Variants in TRIP10 observed in about 807,000 individuals in gnomAD.
TRIP10 encodes cdc42-interacting protein 4.
TRIP10 carries 54 observed loss-of-function variants against 80.9 expected under a neutral mutation model. That is an observed-to-expected ratio of 0.67 (90% CI 0.54 to 0.84). The LOEUF is 0.84. Among genes scored for constraint, TRIP10 ranks in the 40% least tolerant of loss-of-function variants. TRIP10 has a pLI of 0.00. For missense variants in TRIP10, 773 were observed against 815.3 expected, an observed-to-expected ratio of 0.95 and a Z score of 0.63; for synonymous variants, 321 against 307.2, an observed-to-expected ratio of 1.04 and a Z score of -0.47.
intron 14 of TRIP10, among the ~76,000 whole-genome samples, 188 bp downstream of exon 14, chr19:6,750,821 C>T (rs1969274306): frequency 6.6e-6 from 1 of 152,060 alleles, no homozygotes; most frequent in Non-Finnish European, 1.5e-5. Context: ...CACGGTGAAA[C>T]CCCATCTCTA....
rs199832105 is a variant in TRIP10 at position 6,746,515 on chromosome 19, C to A, written c.1216C>A (p.Gln406Lys). The change falls in exon 11 of 15, where the codon CAG becomes AAG. Residue 406 changes from glutamine to lysine, a missense_variant. Gln to Lys is a moderately conservative substitution (Grantham distance 53, BLOSUM62 1). Coordinates refer to ENST00000313244, the MANE Select transcript of TRIP10 (RefSeq NM_001288962.2). The surrounding 1 kb of genome is among the most constrained non-coding windows in gnomAD (Gnocchi z 6.2). ...GCAGCAGCGAAAACGGCTTCAACAG[C>A]AGTTGGAAGAACGCAGTCGTGAACT... ...PEQQRKRLQQ[Q>K]LEERSRELQK... The A allele has an allele frequency of 2.5e-6, 4 of 1,614,134 alleles. No homozygotes were observed. The East Asian group carries it at 8.9e-5, about 36-fold the overall frequency.
intron 5 of TRIP10, 65 bp downstream of exon 5, chr19:6,743,321 G>A (rs1968981353): frequency 6.3e-7 from 1 of 1,594,970 alleles, no homozygotes; most frequent in Admixed American, 1.7e-5. Context: ...CGGATCCGGA[G>A]TCAGGGAGCT....
Position 6,746,453 on chromosome 19 carries a change from C to T in TRIP10, c.1154C>T (p.Thr385Ile), listed in dbSNP as rs1174713650. The change falls in exon 11 of 15, where the codon ACA becomes ATA. Residue 385 changes from threonine to isoleucine, a missense_variant and splice_region_variant. Transcript: ENST00000313244. This position sits in a 1 kb window ranked among gnomAD's most constrained non-coding sequence, Gnocchi z 6.2. ...SFRSLRGSRG[T>I]VVTEDFSHLP... Reference sequence around the variant, plus strand: ...TTCAGCCCTCTACCCACCTTGCAGACAGTGGTGACCGAGGATTTTAGCCAC... The same window carrying T: ...TTCAGCCCTCTACCCACCTTGCAGATAGTGGTGACCGAGGATTTTAGCCAC... The T allele has an allele frequency of 6.2e-7, 1 of 1,613,940 alleles. No homozygotes were observed. Among genetic ancestry groups the T allele is most frequent in the African/African-American group, 1.3e-5 (1 of 74,898 alleles).
At chr19:6,743,857 G>C (rs1162315699) in intron 7 of TRIP10, 21 bp downstream of exon 7, 1 of 1,611,928 alleles carries the variant, frequency 6.2e-7, no homozygotes, top group African/African-American at 1.3e-5. Flanking sequence ...CCAGTTCTCA[G>C]ACCTACCTTC....
At chr19:6,748,014 G>T (rs991594323) in intron 11 of TRIP10, among the ~76,000 whole-genome samples, 2 of 151,748 alleles carry the variant, frequency 1.3e-5, no homozygotes, top group African/African-American at 4.8e-5. Flanking sequence ...CCATTGGTTG[G>T]GTTTTATCCC....
chr19:6,750,374 C>G lies in TRIP10; in HGVS notation c.1478C>G (p.Pro493Arg). Residue 493 changes from proline (P) to arginine (R), a missense_variant, in exon 13 of 15, where the codon CCC becomes CGC. Transcript: ENST00000313244. ...CGGCACGCCCGGCCTCCCGACCCCC[C>G]CGCTAGCGCCCCGCCAGACAGCAGC... The part of the protein sequence containing the change: ...LSRHARPPDP[P>R]ASAPPDSSSN... The G allele has an allele frequency of 5.0e-6, 8 of 1,614,068 alleles. No homozygotes were observed. The highest frequency in any genetic ancestry group is 6.8e-6 in the Non-Finnish European group (8 of 1,180,000).
chr19:6,750,143 G>GGGGGGGGGTGGGGC, intron 12 of TRIP10, 77 bp downstream of exon 12: 1 of 842,276 alleles, frequency 1.2e-6, no homozygotes, highest in Non-Finnish European at 1.9e-6. Flanking sequence ...GGGGGTCGGG[G>GGGGGGGGGTGGGGC]ACAGGGGAGG....
Position 6,751,458 on chromosome 19 carries a change from G to A in TRIP10, c.*247G>A, listed in dbSNP as rs1044347334. ...TCTTTTCTTTCTGCCGCTCGGCTCC[G>A]GCCATTTTGTTTTATACAAAAATGG... On this transcript the variant is annotated 3_prime_UTR_variant, in exon 15 of 15. Transcript: ENST00000313244. 9.1e-6 allele frequency: 9 copies of A among 987,434 alleles called. No homozygotes were observed. The East Asian group carries it at 1.3e-4, about 14-fold the overall frequency. The allele number at this position is 987,434 out of a possible 1,614,324, so 61.2% of individuals were successfully genotyped here.
intron 3 of TRIP10, among the ~76,000 whole-genome samples, chr19:6,741,558 G>A (rs1027405589): frequency 6.6e-6 from 1 of 152,156 alleles, no homozygotes; most frequent in African/African-American, 2.4e-5. Flanking sequence ...GTAACTTTGG[G>A]CAGATGACTT....
chr19:6,744,288 T>A lies in TRIP10; in HGVS notation c.643-266T>A, dbSNP rs140892442. Among the ~76,000 whole-genome samples, 527 of 152,314 alleles carry A rather than the reference T, an allele frequency of 3.5e-3. No homozygotes were observed. Among genetic ancestry groups the A allele is most frequent in the Non-Finnish European group, 5.8e-3 (396 of 68,024 alleles). ...GGAGTATCAGGGCTGGTTCTGCTTT[T>A]TCTTCAAATCCCTGTTCCCTTGTCT... On this transcript the variant is annotated intron_variant, in intron 7 of 14. Transcript: ENST00000313244. This position sits in a 1 kb window ranked among gnomAD's most constrained non-coding sequence, Gnocchi z 4.9.
In TRIP10 at chr19:6,744,608, C is replaced by A. The variant is rs906690475; in HGVS notation, c.697C>A (p.Leu233Ile). The change falls in exon 8 of 15, where the codon CTC becomes ATC. Residue 233 changes from leucine (L) to isoleucine (I), a missense_variant. Leu to Ile is a conservative substitution (Grantham distance 5). Coordinates refer to ENST00000313244, the MANE Select transcript of TRIP10 (RefSeq NM_001288962.2). The surrounding 1 kb of genome is among the most constrained non-coding windows in gnomAD (Gnocchi z 4.9). ...RATRLGAGYG[L>I]LSEAELEVVP... ...CACCCGCCTGGGTGCCGGGTATGGG[C>A]TCCTGTCGGAGGCCGAGCTGGAGGT... 6.2e-7 allele frequency: 1 copy of A among 1,614,066 alleles called. No individual in the cohort carries two copies. The highest frequency in any genetic ancestry group is 8.5e-7 in the Non-Finnish European group (1 of 1,179,974).
intron 1 of TRIP10, 184 bp from the exon 2 acceptor site, chr19:6,740,826 A>C: frequency 8.8e-6 from 5 of 568,398 alleles, no homozygotes; most frequent in Admixed American, 6.4e-5. Flanking sequence ...CTTCCCGGGA[A>C]GGGGAGGGGG....
chr19:6,751,337 C>T lies in TRIP10; in HGVS notation c.*126C>T, dbSNP rs111592957. 3 of 1,519,596 alleles carry T rather than the reference C, an allele frequency of 2.0e-6. No homozygotes were observed. The highest frequency in any genetic ancestry group is 4.8e-5 in the East Asian group (2 of 41,456). 94.1% of individuals were successfully genotyped at this position (1,519,596 alleles called of 1,614,324 possible). ...CTGAGACCTGTGTAACCTGCTGCCC[C>T]CTCCACCCCCAACCCAGTCCTACCT... On this transcript the variant is annotated 3_prime_UTR_variant, in exon 15 of 15. Transcript: ENST00000313244.
chr19:6,748,631 A>T (rs201176542), intron 11 of TRIP10: 2 of 152,154 alleles, frequency 1.3e-5, no homozygotes, highest in East Asian at 3.9e-4. Flanking sequence ...TGTCTCTACT[A>T]AAAATATAAA....
intron 1 of TRIP10, among the ~76,000 whole-genome samples, chr19:6,740,309 G>C (rs953660434): frequency 6.6e-6 from 1 of 152,148 alleles, no homozygotes; most frequent in Non-Finnish European, 1.5e-5. Context: ...CCCCTCCCTG[G>C]CTTCCCCCTG....
chr19:6,745,080 C>G lies in TRIP10; in HGVS notation c.984+86C>G, dbSNP rs942596618. The G allele has an allele frequency of 6.8e-7, 1 of 1,476,338 alleles. No homozygotes were observed. Among genetic ancestry groups the G allele is most frequent in the Admixed American group, 2.3e-5 (1 of 42,992 alleles). The allele number at this position is 1,476,338 out of a possible 1,614,324, so 91.5% of individuals were successfully genotyped here. ...CCCCTATTGAGTCAGCCCCAGCCGC[C>G]TGAACGCCGAGTCTCGGGCAGGAAT... On this transcript the variant is annotated intron_variant, in intron 9 of 14. Transcript: ENST00000313244. This position sits in a 1 kb window ranked among gnomAD's most constrained non-coding sequence, Gnocchi z 7.2.
chr19:6,746,665 T>C lies in TRIP10; in HGVS notation c.1262+104T>C. On this transcript the variant is annotated intron_variant, in intron 11 of 14. Coordinates refer to ENST00000313244, the MANE Select transcript of TRIP10 (RefSeq NM_001288962.2). The surrounding 1 kb of genome is among the most constrained non-coding windows in gnomAD (Gnocchi z 6.2). Reference sequence around the variant, plus strand: ...TTATTTTATTTATTTTATTATATTTTATTTTGTGACAGGGTCTTAGTCTGT... The same window carrying C: ...TTATTTTATTTATTTTATTATATTTCATTTTGTGACAGGGTCTTAGTCTGT... 1 of 817,654 alleles carries C rather than the reference T, an allele frequency of 1.2e-6. No individual in the cohort carries two copies. Among genetic ancestry groups the C allele is most frequent in the Non-Finnish European group, 1.7e-6 (1 of 603,270 alleles). 50.6% of individuals were successfully genotyped at this position (817,654 alleles called of 1,614,324 possible). A position where few individuals can be genotyped will look rare whatever the true frequency, so the allele number is the denominator to read the frequency against.
At position 6,741,289 on chromosome 19, in the gene TRIP10, T is replaced by G. The variant is rs1324121911; in HGVS notation, c.197+8T>G. The G allele has an allele frequency of 2.7e-5, 43 of 1,605,894 alleles. No homozygotes were observed. The highest frequency in any genetic ancestry group is 3.4e-5 in the Non-Finnish European group (40 of 1,176,116). ...GGATGATCCTGAGTCCAAGTAAGGT[T>G]GGAGAGGGGCTGCAGGGCTAGATTT... On this transcript the variant is annotated splice_region_variant and intron_variant, in intron 3 of 14. Transcript: ENST00000313244.
intron 1 of TRIP10, 117 bp from the exon 2 acceptor site, chr19:6,740,893 C>CT (rs1968896694): frequency 1.1e-6 from 1 of 877,698 alleles, no homozygotes; most frequent in Non-Finnish European, 1.7e-6. Flanking sequence ...CGGGAAGCCA[C>CT]TCCTTCTAGG....
Sources: gnomAD v4.1 joint callset for allele counts (sites outside exome capture counted in the v4.1 genomes callset) on GRCh38, gnomAD v4.1.1 for gene constraint, Gnocchi (gnomAD v3.1) non-coding constraint, MANE v1.5 for transcripts, NCBI Gene and HGNC (gene_info 2026-07-23, HGNC 2026-07-21) for gene names.